The following CSMD3 variants were observed in gnomAD, a reference collection of about 807,000 sequenced individuals.
CSMD3 encodes the protein CUB and sushi domain-containing protein 3.
In CSMD3, 177 loss-of-function variants were observed where a neutral mutation model predicts 435.2. That is an observed-to-expected ratio of 0.41 (90% CI 0.36 to 0.46). The LOEUF (loss-of-function observed/expected upper bound fraction) is 0.46. Ranked by LOEUF, CSMD3 falls within the 20% of genes least tolerant of loss-of-function variation. CSMD3 has a pLI of 0.34. For missense variants in CSMD3, 4,265 were observed against 4,504.6 expected, an observed-to-expected ratio of 0.95 and a Z score of 1.52; for synonymous variants, 1,656 against 1,520.5, an observed-to-expected ratio of 1.09 and a Z score of -2.07.
At chr8:113,187,483 A>C (rs2092524125) in intron 3 of CSMD3, among the ~76,000 whole-genome samples, 1 of 152,036 alleles carries the variant, frequency 6.6e-6, no homozygotes, top group African/African-American at 2.4e-5. Flanking sequence ...AAAGCTGGAA[A>C]ATACTGGAAA....
intron 27 of CSMD3, among the ~76,000 whole-genome samples, chr8:112,536,341 C>G (rs1249286461): frequency 2.0e-5 from 3 of 152,092 alleles, no homozygotes; most frequent in Admixed American, 6.6e-5. Context: ...ACTAAACAAC[C>G]CCATCAAAAA....
chr8:112,558,372 G>T (rs1828315982), intron 24 of CSMD3, among the ~76,000 whole-genome samples: 1 of 151,876 alleles, frequency 6.6e-6, no homozygotes, highest in African/African-American at 2.4e-5. Context: ...AGAAGAATTT[G>T]AACAAACAGG....
chr8:112,275,070 G>A (rs888602471), intron 59 of CSMD3, among the ~76,000 whole-genome samples: 1 of 151,888 alleles, frequency 6.6e-6, no homozygotes, highest in East Asian at 1.9e-4. Context: ...CAAGAAAGTC[G>A]GCTTGCTTCC....
At chr8:112,596,135 G>A (rs1371717396) in intron 22 of CSMD3, among the ~76,000 whole-genome samples, 3 of 151,306 alleles carry the variant, frequency 2.0e-5, no homozygotes, top group African/African-American at 7.3e-5. Context: ...CACGTGCAGA[G>A]ACACACATAG....
chr8:113,387,437 AC>A (rs2094443905), intron 1 of CSMD3, among the ~76,000 whole-genome samples: 1 of 151,826 alleles, frequency 6.6e-6, no homozygotes, highest in African/African-American at 2.4e-5. Context: ...TTCAAGTACC[AC>A]ATGAGGCAAT....
chr8:113,235,487 T>C (rs1463863078), intron 3 of CSMD3, among the ~76,000 whole-genome samples: 1 of 152,042 alleles, frequency 6.6e-6, no homozygotes. Flanking sequence ...TCCCCCACTT[T>C]GACCTGTATG....
At chr8:112,651,019 T>C (rs2075113450) in intron 18 of CSMD3, among the ~76,000 whole-genome samples, 1 of 152,176 alleles carries the variant, frequency 6.6e-6, no homozygotes, top group South Asian at 2.1e-4. Flanking sequence ...TTGGAGTACT[T>C]TTAGAAACAT....
chr8:112,847,852 CT>C (rs1460942096), intron 11 of CSMD3, among the ~76,000 whole-genome samples: 24 of 152,162 alleles, frequency 1.6e-4, no homozygotes, highest in African/African-American at 5.8e-4. Flanking sequence ...TGCCTGAAGA[CT>C]TTATGGGGAG....
Position 112,341,530 on chromosome 8 carries a change from T to C in CSMD3, c.6599A>G (p.Tyr2200Cys), listed in dbSNP as rs982206131. 1.2e-6 allele frequency: 2 copies of C among 1,613,468 alleles called. No individual in the cohort carries two copies. The highest frequency in any genetic ancestry group is 1.3e-5 in the African/African-American group (1 of 75,004). ...GTTTTGTGAATAGTCACTGTGAAAA[T>C]ATAAGCTGGTTTCATGGGTGGTGCT... ...LFSTTHETSL[Y>C]FHSDYSQNKQ... The change falls in exon 42 of 71, where the codon TAT becomes TGT. Residue 2200 changes from tyrosine (Y) to cysteine (C), a missense_variant. Tyr to Cys is a radical substitution (Grantham distance 194). Transcript: ENST00000297405.
At chr8:112,434,076 G>A (rs999070195) in intron 32 of CSMD3, among the ~76,000 whole-genome samples, 2 of 152,034 alleles carry the variant, frequency 1.3e-5, no homozygotes, top group African/African-American at 4.8e-5. Flanking sequence ...CAAACTTGGA[G>A]GTGTTTACCT....
chr8:112,763,793 T>A (rs1267784452), intron 13 of CSMD3, among the ~76,000 whole-genome samples: 1 of 151,068 alleles, frequency 6.6e-6, no homozygotes, highest in African/African-American at 2.4e-5. Flanking sequence ...GGCACTAAAT[T>A]ACTTTCAAAA....
At chr8:112,617,195 T>A (rs908799077) in intron 22 of CSMD3, among the ~76,000 whole-genome samples, 3 of 152,176 alleles carry the variant, frequency 2.0e-5, no homozygotes, top group African/African-American at 7.2e-5. Flanking sequence ...AATAAAATAA[T>A]ATAGATTATG....
At chr8:112,402,589 C>G (rs768600554) in intron 35 of CSMD3, among the ~76,000 whole-genome samples, 8 of 151,892 alleles carry the variant, frequency 5.3e-5, no homozygotes, top group African/African-American at 1.7e-4. Flanking sequence ...TATCTAAGTC[C>G]TTCTATTTTT....
At chr8:112,250,964 T>A (rs1000745900) in intron 63 of CSMD3, among the ~76,000 whole-genome samples, 2 of 151,808 alleles carry the variant, frequency 1.3e-5, no homozygotes, top group Non-Finnish European at 2.9e-5. Context: ...TCCTAAATCA[T>A]AAAATTTATA....
At chr8:113,225,117 G>A (rs535199887) in intron 3 of CSMD3, among the ~76,000 whole-genome samples, 34 of 151,460 alleles carry the variant, frequency 2.2e-4, no homozygotes, top group Admixed American at 1.8e-3. Flanking sequence ...AGTTAAAGGT[G>A]TTTATATTAA....
chr8:112,811,741 G>A (rs1230009061), intron 12 of CSMD3, among the ~76,000 whole-genome samples: 1 of 152,126 alleles, frequency 6.6e-6, no homozygotes, highest in Admixed American at 6.5e-5. Flanking sequence ...CAGAAAAGCT[G>A]TTTCATTTCT....
At chr8:112,860,212 T>C (rs111923231) in intron 10 of CSMD3, among the ~76,000 whole-genome samples, 5,159 of 151,820 alleles carry the variant, frequency 0.034, 148 homozygotes, top group Middle Eastern at 0.051. Context: ...ACTAAAAGTG[T>C]GTCTTTCTTG....
chr8:112,438,968 C>T (rs1478798446), intron 32 of CSMD3, among the ~76,000 whole-genome samples: 1 of 152,066 alleles, frequency 6.6e-6, no homozygotes, highest in Non-Finnish European at 1.5e-5. Flanking sequence ...TAGTCATTGT[C>T]TTGTACTCTT....
At chr8:113,018,163 T>G (rs573408351) in intron 6 of CSMD3, among the ~76,000 whole-genome samples, 1 of 152,168 alleles carries the variant, frequency 6.6e-6, no homozygotes, top group South Asian at 2.1e-4. Context: ...GTTGCAGTTT[T>G]TGAGAGAAAT....
Sources: allele counts gnomAD v4.1 joint callset (sites outside exome capture counted in the v4.1 genomes callset), GRCh38; gene constraint gnomAD v4.1.1; transcripts MANE v1.5; gene names NCBI Gene and HGNC (gene_info 2026-07-23, HGNC 2026-07-21).